Variants in EPHX2 observed in about 807,000 individuals in gnomAD.
EPHX2 encodes the protein epoxide hydrolase 2.
A neutral mutation model predicts 78.7 loss-of-function variants in EPHX2; 74 were observed. The observed-to-expected ratio is 0.94, with a 90% CI of 0.78 to 1.14. The LOEUF is 1.14. Among genes scored for constraint, EPHX2 ranks in the 50% most tolerant of loss-of-function variants. EPHX2 has a pLI of 0.00. For synonymous variants in EPHX2, 251 were observed against 255.2 expected (o/e 0.98, Z 0.16); for missense variants, 715 against 702.5 (o/e 1.02, Z -0.20).
rs1379452247 is a variant in EPHX2, at chr8:27,545,102, C to T, written c.*580C>T. 6.5e-6 allele frequency: 1 copy of T among 152,742 alleles called. No homozygotes were observed. Among genetic ancestry groups the T allele is most frequent in the Non-Finnish European group, 1.5e-5 (1 of 68,508 alleles). 9.5% of individuals were successfully genotyped at this position (152,742 alleles called of 1,614,324 possible). ...TGGCAGTGGTGTCTTGTGCTCTGTCCCCTAGAGCAGTCACTGGCCACAGGT... is the reference window on the plus strand; with the variant it reads ...TGGCAGTGGTGTCTTGTGCTCTGTCTCCTAGAGCAGTCACTGGCCACAGGT... On this transcript the variant is annotated 3_prime_UTR_variant, in exon 19 of 19. Transcript: ENST00000521400.
At chr8:27,508,279 GACA>G (rs1451801354) in intron 5 of EPHX2, among the ~76,000 whole-genome samples, 2 of 151,710 alleles carry the variant, frequency 1.3e-5, no homozygotes, top group Non-Finnish European at 2.9e-5. Flanking sequence ...TTTCAACCTG[GACA>G]ACAAGAGCGA....
chr8:27,498,630 C>G (rs1286844220), intron 1 of EPHX2, among the ~76,000 whole-genome samples: 1 of 152,164 alleles, frequency 6.6e-6, no homozygotes. Flanking sequence ...CTATGAATAG[C>G]ATCATATTTT....
At chr8:27,506,176 C>G (rs915437384) in intron 4 of EPHX2, among the ~76,000 whole-genome samples, 3 of 152,008 alleles carry the variant, frequency 2.0e-5, no homozygotes, top group African/African-American at 7.2e-5. Flanking sequence ...TCTGTTGTAA[C>G]GGGGGTCTCA....
At position 27,505,151 on chromosome 8, in the gene EPHX2, G is replaced by C; in HGVS notation, c.537+5G>C. ...CTGAAGGCCAGCCCCAGTGAGGTACGGAGACACTTCCTTATGGCAGAGAAG... is the reference window on the plus strand; with the variant it reads ...CTGAAGGCCAGCCCCAGTGAGGTACCGAGACACTTCCTTATGGCAGAGAAG... On this transcript the variant is annotated splice_donor_5th_base_variant and intron_variant, in intron 4 of 18. Transcript: ENST00000521400. 6.2e-7 allele frequency: 1 copy of C among 1,613,832 alleles called. No individual in the cohort carries two copies. The highest frequency in any genetic ancestry group is 8.5e-7 in the Non-Finnish European group (1 of 1,179,872).
chr8:27,515,649 G>A lies in EPHX2; in HGVS notation c.736-69G>A, dbSNP rs1814419356. The A allele has an allele frequency of 2.2e-6, 3 of 1,337,560 alleles. No homozygotes were observed. The Admixed American group carries it at 5.5e-5, about 24-fold the overall frequency. 82.9% of individuals were successfully genotyped at this position (1,337,560 alleles called of 1,614,324 possible). A position where few individuals can be genotyped will look rare whatever the true frequency, so the allele number is the denominator to read the frequency against. Reference sequence around the variant, plus strand: ...ACTGAAACGGCCCTGGCATTCTGCAGACGCTGTGGGGCCTGGGTCCACTGG... The same window carrying A: ...ACTGAAACGGCCCTGGCATTCTGCAAACGCTGTGGGGCCTGGGTCCACTGG... On this transcript the variant is annotated intron_variant, in intron 6 of 18. Coordinates refer to ENST00000521400, the MANE Select transcript of EPHX2 (RefSeq NM_001979.6).
At chr8:27,523,441 A>G (rs958759624) in intron 11 of EPHX2, among the ~76,000 whole-genome samples, 4 of 152,196 alleles carry the variant, frequency 2.6e-5, no homozygotes, top group Admixed American at 2.6e-4. Flanking sequence ...GGTGAGCTGC[A>G]GCTAAACCTG....
rs545863971 is a variant in EPHX2, at chr8:27,521,458, C to A, written c.972+549C>A. Among the ~76,000 whole-genome samples, 5 of 152,138 alleles carry A rather than the reference C, an allele frequency of 3.3e-5. No individual in the cohort carries two copies. In the South Asian group the frequency reaches 8.3e-4, roughly 25 times the overall value. On this transcript the variant is annotated intron_variant, in intron 10 of 18. Coordinates refer to ENST00000521400, the MANE Select transcript of EPHX2 (RefSeq NM_001979.6). ...AATGGACGGAGGGGTCAGGCCCAGG[C>A]AGAACAGCAGCAGTGGAGGACAGAG...
At chr8:27,529,348 G>A (rs576640392) in intron 12 of EPHX2, among the ~76,000 whole-genome samples, 127 of 152,270 alleles carry the variant, frequency 8.3e-4, no homozygotes, top group South Asian at 2.1e-3. Flanking sequence ...CAGTGGAATC[G>A]GCTGGGTCAT....
chr8:27,496,988 G>C (rs987771666), intron 1 of EPHX2, among the ~76,000 whole-genome samples: 3 of 152,222 alleles, frequency 2.0e-5, no homozygotes, highest in African/African-American at 4.8e-5. Flanking sequence ...TGTGTGAAAA[G>C]AGCAAAGTCT....
At chr8:27,535,923 A>G (rs888779409) in intron 12 of EPHX2, among the ~76,000 whole-genome samples, 5 of 152,126 alleles carry the variant, frequency 3.3e-5, no homozygotes, top group Non-Finnish European at 2.9e-5. Flanking sequence ...TCTGGAGCCT[A>G]TTTTGTACAT....
intron 10 of EPHX2, among the ~76,000 whole-genome samples, chr8:27,522,012 G>T (rs1814665604): frequency 6.6e-6 from 1 of 152,210 alleles, no homozygotes; most frequent in Non-Finnish European, 1.5e-5. Flanking sequence ...ACTTTTAATG[G>T]TTGTTTAAGG....
chr8:27,496,022 G>A (rs924907111), intron 1 of EPHX2, among the ~76,000 whole-genome samples: 11 of 152,086 alleles, frequency 7.2e-5, no homozygotes, highest in East Asian at 3.9e-4. Context: ...ATCCATAGTC[G>A]GCAAAAGCTG....
At position 27,525,373 on chromosome 8, in the gene EPHX2, G is replaced by C. The variant is rs1814807196; in HGVS notation, c.1070G>C (p.Ser357Thr). The change falls in exon 12 of 19, where the codon AGT becomes ACT. Residue 357 changes from serine to threonine, a missense_variant. Transcript: ENST00000521400. ...FYPERVRAVA[S>T]LNTPFIPANP... Reference sequence around the variant, plus strand: ...TCTTATTTCTGTAGGGCGGTGGCCAGTTTGAATACTCCCTTCATACCAGCA... The same window carrying C: ...TCTTATTTCTGTAGGGCGGTGGCCACTTTGAATACTCCCTTCATACCAGCA... 6.2e-7 allele frequency: 1 copy of C among 1,614,012 alleles called. No individual in the cohort carries two copies. The highest frequency in any genetic ancestry group is 1.1e-5 in the South Asian group (1 of 91,090).
chr8:27,505,249 A>G (rs1813960018), intron 4 of EPHX2, 103 bp downstream of exon 4: 2 of 1,156,176 alleles, frequency 1.7e-6, no homozygotes, highest in South Asian at 2.8e-5. Flanking sequence ...GCCTGGCAGG[A>G]CAGCTCTGAG....
chr8:27,521,965 C>A (rs1016571427), intron 10 of EPHX2, among the ~76,000 whole-genome samples: 1 of 152,138 alleles, frequency 6.6e-6, no homozygotes, highest in Non-Finnish European at 1.5e-5. Context: ...ATTTTCAATA[C>A]CAGCAGCGGA....
At chr8:27,530,471 T>C (rs2132777241) in intron 12 of EPHX2, among the ~76,000 whole-genome samples, 1 of 152,344 alleles carries the variant, frequency 6.6e-6, no homozygotes, top group Non-Finnish European at 1.5e-5. Flanking sequence ...TAAGCAAATA[T>C]ATGTGTGTAT....
At position 27,541,505 on chromosome 8, in the gene EPHX2, G is replaced by A. The variant is rs904646666; in HGVS notation, c.1412G>A (p.Arg471Lys). Residue 471 changes from arginine to lysine, a missense_variant, in exon 16 of 19, where the codon AGG becomes AAG. Coordinates refer to ENST00000521400, the MANE Select transcript of EPHX2 (RefSeq NM_001979.6). Reference sequence around the variant, plus strand: ...CTAAACTGGTACCGAAACATGGAAAGGAACTGGAAGTGGGCTTGCAAAAGC... The same window carrying A: ...CTAAACTGGTACCGAAACATGGAAAAGAACTGGAAGTGGGCTTGCAAAAGC... ...GPLNWYRNME[R>K]NWKWACKSLG... is the part of the protein sequence containing the mutation. The A allele has an allele frequency of 1.9e-6, 3 of 1,614,246 alleles. No individual in the cohort carries two copies. Among genetic ancestry groups the A allele is most frequent in the South Asian group, 2.2e-5 (2 of 91,088 alleles).
intron 1 of EPHX2, among the ~76,000 whole-genome samples, chr8:27,500,644 T>C (rs1196211882): frequency 6.6e-6 from 1 of 152,180 alleles, no homozygotes; most frequent in Non-Finnish European, 1.5e-5. Flanking sequence ...CTGACCGTTA[T>C]ATAGTAAAGT....
chr8:27,495,116 A>C (rs533595460), intron 1 of EPHX2, among the ~76,000 whole-genome samples: 1 of 152,380 alleles, frequency 6.6e-6, no homozygotes, highest in South Asian at 2.1e-4. Context: ...ACTGCGTGCA[A>C]TAACTCCATG....
Sources: allele counts gnomAD v4.1 joint callset (sites outside exome capture counted in the v4.1 genomes callset), GRCh38; gene constraint gnomAD v4.1.1; transcripts MANE v1.5; gene names NCBI Gene and HGNC (gene_info 2026-07-23, HGNC 2026-07-21).